The following MAPK8 variants were observed in gnomAD, a reference collection of about 807,000 sequenced individuals.
MAPK8 encodes mitogen-activated protein kinase 8.
In MAPK8, 13 loss-of-function variants were observed where a neutral mutation model predicts 52.9. The observed-to-expected ratio is 0.25, with a 90% CI of 0.16 to 0.39. The LOEUF is 0.39. Ranked by LOEUF, MAPK8 falls within the 10% of genes least tolerant of loss-of-function variation. The pLI, the probability that MAPK8 is intolerant of heterozygous loss-of-function variation, is 1.00. For missense variants in MAPK8, 300 were observed against 519.2 expected (o/e 0.58, Z 4.10); for synonymous variants, 191 against 169.8 (o/e 1.12, Z -0.97).
chr10:48,374,871 C>A (rs1427937612), intron 1 of MAPK8, among the ~76,000 whole-genome samples: 3 of 152,158 alleles, frequency 2.0e-5, no homozygotes, highest in Non-Finnish European at 4.4e-5. Context: ...AGAGGGACTC[C>A]TCTGTAACTC....
chr10:48,360,341 A>G (rs75348784), intron 1 of MAPK8, among the ~76,000 whole-genome samples: 3,454 of 152,296 alleles, frequency 0.023, 143 homozygotes, highest in African/African-American at 0.079. Context: ...AAGTCTGTCA[A>G]TTCCATGTTG....
intron 1 of MAPK8, among the ~76,000 whole-genome samples, chr10:48,362,886 G>A (rs192903240): frequency 4.0e-5 from 6 of 150,940 alleles, no homozygotes; most frequent in Non-Finnish European, 8.9e-5. Flanking sequence ...GATTACAGGC[G>A]CCTGCCACCA....
chr10:48,318,473 G>T (rs1297895859), intron 1 of MAPK8, among the ~76,000 whole-genome samples: 2 of 152,212 alleles, frequency 1.3e-5, no homozygotes, highest in African/African-American at 4.8e-5. Flanking sequence ...AATGCTTATT[G>T]TGTGGTGGTG....
chr10:48,318,884 A>G (rs1196994035), intron 1 of MAPK8, among the ~76,000 whole-genome samples: 2 of 152,230 alleles, frequency 1.3e-5, no homozygotes, highest in Non-Finnish European at 2.9e-5. Flanking sequence ...GAATTTCAGA[A>G]GGCCAAGTAA....
At chr10:48,425,624 T>G (rs2043633691) in intron 7 of MAPK8, 4 of 347,600 alleles carry the variant, frequency 1.2e-5, no homozygotes, top group Admixed American at 4.3e-5. Flanking sequence ...ATCATTTTAT[T>G]TAGAATTTGT....
At chr10:48,394,791 G>A (rs111734620) in intron 1 of MAPK8, among the ~76,000 whole-genome samples, 4 of 151,890 alleles carry the variant, frequency 2.6e-5, no homozygotes, top group African/African-American at 9.6e-5. Context: ...AATTGCTTTT[G>A]TATACAGAAA....
In MAPK8 at chr10:48,438,157, T is replaced by G. The variant is rs1369133210; in HGVS notation, c.*3128T>G. ...TGTTGTTCATTAGTTACACATTAGC[T>G]ATAGAGTGGATGCATGAAGCCCCAT... On this transcript the variant is annotated 3_prime_UTR_variant, in exon 12 of 12. Coordinates refer to ENST00000374189, the MANE Select transcript of MAPK8 (RefSeq NM_001323329.2). 3 of 152,218 alleles carry G rather than the reference T, an allele frequency of 2.0e-5. No homozygotes were observed. Among genetic ancestry groups the G allele is most frequent in the Non-Finnish European group, 2.9e-5 (2 of 68,034 alleles). The allele number at this position is 152,218 out of a possible 1,614,324, so 9.4% of individuals were successfully genotyped here. A position where few individuals can be genotyped will look rare whatever the true frequency, so the allele number is the denominator to read the frequency against.
At chr10:48,404,270 C>CCTTA (rs1334435427) in intron 2 of MAPK8, among the ~76,000 whole-genome samples, 1 of 151,648 alleles carries the variant, frequency 6.6e-6, no homozygotes, top group Admixed American at 6.6e-5. Flanking sequence ...GATTCCCTTG[C>CCTTA]CTTAGCCTCT....
chr10:48,431,768 CT>C (rs757491141), intron 11 of MAPK8, among the ~76,000 whole-genome samples: 8 of 151,926 alleles, frequency 5.3e-5, no homozygotes, highest in East Asian at 3.8e-4. Flanking sequence ...GGAGTTAAAA[CT>C]TTTTTTTATC....
intron 1 of MAPK8, among the ~76,000 whole-genome samples, chr10:48,319,799 G>T (rs1842821660): frequency 6.6e-6 from 1 of 151,576 alleles, no homozygotes; most frequent in South Asian, 2.1e-4. Flanking sequence ...GCGCATTCTG[G>T]ATCTCTCATG....
At chr10:48,317,513 A>C (rs1588915930) in intron 1 of MAPK8, among the ~76,000 whole-genome samples, 1 of 152,166 alleles carries the variant, frequency 6.6e-6, no homozygotes, top group Middle Eastern at 3.2e-3. Context: ...GTGCTGACAC[A>C]GTGGGTGCAG....
intron 1 of MAPK8, among the ~76,000 whole-genome samples, chr10:48,316,632 A>G (rs1178711886): frequency 1.3e-5 from 2 of 152,210 alleles, no homozygotes; most frequent in African/African-American, 4.8e-5. Context: ...GAAAAATGCA[A>G]AAATCAAGTC....
chr10:48,427,261 A>C (rs542456500), intron 10 of MAPK8, 118 bp downstream of exon 10: 1 of 617,496 alleles, frequency 1.6e-6, no homozygotes, highest in East Asian at 3.1e-5. Context: ...AAATGTGGTA[A>C]TATTAATATT....
chr10:48,313,789 C>G (rs1842225971), intron 1 of MAPK8, among the ~76,000 whole-genome samples: 1 of 152,108 alleles, frequency 6.6e-6, no homozygotes, highest in South Asian at 2.1e-4. Flanking sequence ...GAGTCTCACT[C>G]TTGTTGCCCA....
chr10:48,357,539 G>C (rs1303394222), intron 1 of MAPK8, among the ~76,000 whole-genome samples: 1 of 152,050 alleles, frequency 6.6e-6, no homozygotes, highest in East Asian at 1.9e-4. Flanking sequence ...TGGGACTATA[G>C]ATACATGCCA....
chr10:48,407,573 ACTAT>A (rs1213888320), intron 3 of MAPK8, among the ~76,000 whole-genome samples: 3 of 152,176 alleles, frequency 2.0e-5, no homozygotes, highest in African/African-American at 7.2e-5. Flanking sequence ...AAATGGGACA[ACTAT>A]CTGTTTGAAT....
intron 1 of MAPK8, among the ~76,000 whole-genome samples, chr10:48,317,408 C>T (rs1842609994): frequency 2.0e-5 from 3 of 152,044 alleles, no homozygotes; most frequent in African/African-American, 4.8e-5. Flanking sequence ...CGTGATCTTA[C>T]CACCTCCGCC....
intron 1 of MAPK8, among the ~76,000 whole-genome samples, chr10:48,310,680 C>T (rs530125621): frequency 3.3e-5 from 5 of 152,074 alleles, no homozygotes; most frequent in Admixed American, 6.5e-5. Context: ...CAAAAGCCCA[C>T]TTCACATCTC....
intron 1 of MAPK8, among the ~76,000 whole-genome samples, chr10:48,351,235 T>C (rs1846292083): frequency 6.6e-6 from 1 of 151,950 alleles, no homozygotes; most frequent in South Asian, 2.1e-4. Flanking sequence ...CAAGCCACCA[T>C]TGACTTTCTT....
Sources: gnomAD v4.1 joint callset for allele counts (sites outside exome capture counted in the v4.1 genomes callset) on GRCh38, gnomAD v4.1.1 for gene constraint, MANE v1.5 for transcripts, NCBI Gene and HGNC (gene_info 2026-07-23, HGNC 2026-07-21) for gene names.